SCN11A: variants seen among roughly 807,000 people sequenced by gnomAD.
SCN11A encodes sodium voltage-gated channel alpha subunit 11.
In SCN11A, 122 loss-of-function variants were observed where a neutral mutation model predicts 162.2. That is an observed-to-expected ratio of 0.75 (90% CI 0.65 to 0.87). The LOEUF (loss-of-function observed/expected upper bound fraction) is 0.87. SCN11A is among the 40% of genes least tolerant of loss of function. The pLI is 0.00. For synonymous variants in SCN11A, 758 were observed against 751.5 expected (o/e 1.01, Z -0.14); for missense variants, 2,015 against 2,181.6 (o/e 0.92, Z 1.52).
intron 11 of SCN11A, among the ~76,000 whole-genome samples, chr3:38,915,937 A>T (rs1421136889): frequency 2.0e-5 from 3 of 152,108 alleles, no homozygotes; most frequent in Non-Finnish European, 4.4e-5. Flanking sequence ...TGGGAGTCTA[A>T]GTCTCTTTGT....
At chr3:39,019,164 A>G (rs941829662) in intron 2 of SCN11A, among the ~76,000 whole-genome samples, 3 of 152,150 alleles carry the variant, frequency 2.0e-5, no homozygotes, top group Admixed American at 6.5e-5. Flanking sequence ...AACTTCCCCA[A>G]TTATTCCTGC....
Position 39,051,866 on chromosome 3 carries a change from C to T in SCN11A, c.-409G>A. On this transcript the variant is annotated 5_prime_UTR_variant, in exon 1 of 30. An upstream open reading frame in the 5' UTR loses its in-frame stop. Transcript: ENST00000302328. ...TTGTTTTTAGGTGCATCTACCTCAT[C>T]ACATGGCTACCGGCCACACAGCAAC... The T allele has an allele frequency of 3.7e-6, 3 of 811,496 alleles. No homozygotes were observed. The allele number at this position is 811,496 out of a possible 1,614,324, so 50.3% of individuals were successfully genotyped here.
chr3:38,909,987 T>C (rs1003326012), intron 12 of SCN11A, 79 bp downstream of exon 12: 1 of 1,350,174 alleles, frequency 7.4e-7, no homozygotes, highest in African/African-American at 1.5e-5. Context: ...AAATGGTAAA[T>C]AAATAGGTAA....
chr3:38,972,134 T>A (rs1033930594), intron 2 of SCN11A, among the ~76,000 whole-genome samples: 2 of 152,208 alleles, frequency 1.3e-5, no homozygotes, highest in African/African-American at 4.8e-5. Context: ...CACTCCTTGT[T>A]GTTATGTACA....
intron 28 of SCN11A, among the ~76,000 whole-genome samples, chr3:38,861,108 G>A (rs533803426): frequency 3.8e-4 from 58 of 152,078 alleles, no homozygotes; most frequent in Non-Finnish European, 6.6e-4. Flanking sequence ...CAACCAAGCT[G>A]AGAAACAAAT....
intron 4 of SCN11A, among the ~76,000 whole-genome samples, chr3:38,951,155 G>C (rs1291999867): frequency 1.3e-5 from 2 of 152,238 alleles, no homozygotes; most frequent in African/African-American, 4.8e-5. Context: ...TGTGGAGGGA[G>C]AGGCGCGAGC....
intron 23 of SCN11A, among the ~76,000 whole-genome samples, chr3:38,875,058 T>A (rs1033949518): frequency 6.6e-6 from 1 of 152,164 alleles, no homozygotes; most frequent in Non-Finnish European, 1.5e-5. Context: ...CTTTGCAACA[T>A]CTACCATATT....
intron 8 of SCN11A, among the ~76,000 whole-genome samples, chr3:38,925,960 A>G (rs747053394): frequency 3.9e-5 from 6 of 152,250 alleles, no homozygotes; most frequent in Non-Finnish European, 8.8e-5. Context: ...AACGAAGAGC[A>G]CACAATCTTT....
intron 28 of SCN11A, among the ~76,000 whole-genome samples, chr3:38,851,935 CCGGTTGATAAAACCAT>C (rs1290210842): frequency 6.6e-6 from 1 of 152,064 alleles, no homozygotes; most frequent in Non-Finnish European, 1.5e-5. Context: ...AATATAGTTT[CCGGTTGATAAAACCAT>C]CTAACCAGCC....
chr3:38,871,937 G>C (rs2065133994), intron 24 of SCN11A, among the ~76,000 whole-genome samples: 1 of 152,158 alleles, frequency 6.6e-6, no homozygotes, highest in Admixed American at 6.6e-5. Context: ...GGTGATGACA[G>C]TGTTAGAGAC....
intron 8 of SCN11A, among the ~76,000 whole-genome samples, chr3:38,926,463 G>A (rs1450708178): frequency 7.3e-5 from 11 of 151,324 alleles, no homozygotes; most frequent in Admixed American, 7.2e-4. Flanking sequence ...TGGACTGTGA[G>A]CTTCATAAGA....
chr3:38,944,493 A>T (rs1288436903), intron 7 of SCN11A, among the ~76,000 whole-genome samples: 1 of 151,446 alleles, frequency 6.6e-6, no homozygotes, highest in Non-Finnish European at 1.5e-5. Context: ...CGCCTGGCTA[A>T]TTTTTTGTAT....
intron 7 of SCN11A, among the ~76,000 whole-genome samples, chr3:38,939,476 A>G (rs1158450774): frequency 6.6e-6 from 1 of 152,236 alleles, no homozygotes; most frequent in African/African-American, 2.4e-5. Flanking sequence ...AAAATGAAAA[A>G]GCTATTAATA....
At chr3:38,910,307 A>T (rs1322564191) in intron 11 of SCN11A, 100 bp from the exon 12 acceptor site, 3 of 1,198,364 alleles carry the variant, frequency 2.5e-6, no homozygotes, top group East Asian at 4.7e-5. Context: ...GTGGGATCAC[A>T]CCAGGAGCCC....
chr3:38,878,235 CT>C (rs149752499), intron 23 of SCN11A, among the ~76,000 whole-genome samples: 21,373 of 151,784 alleles, frequency 0.14, 1,946 homozygotes, highest in East Asian at 0.25. Context: ...GACAGTGTGG[CT>C]TTGGACAACT....
At chr3:38,880,958 C>T (rs1263106589) in intron 22 of SCN11A, among the ~76,000 whole-genome samples, 2 of 152,098 alleles carry the variant, frequency 1.3e-5, no homozygotes, top group East Asian at 1.9e-4. Flanking sequence ...ATGAAATTTA[C>T]GTCAACATTG....
chr3:39,042,632 T>C (rs1026771410), intron 1 of SCN11A, among the ~76,000 whole-genome samples: 17 of 151,908 alleles, frequency 1.1e-4, no homozygotes, highest in Non-Finnish European at 1.8e-4. Context: ...AACACTTCTA[T>C]AGGGAAAAAA....
At position 39,004,537 on chromosome 3, in the gene SCN11A, G is replaced by T. The variant is rs150860094; in HGVS notation, c.-280+27843C>A. Reference sequence around the variant, plus strand: ...TTTATTCCATATGAATTTTAAAATAGTTTTTTTCTAGTTCTGTGAAGAATG... The same window carrying T: ...TTTATTCCATATGAATTTTAAAATATTTTTTTTCTAGTTCTGTGAAGAATG... On this transcript the variant is annotated intron_variant, in intron 2 of 29. Transcript: ENST00000302328. Among the ~76,000 whole-genome samples, 576 of 152,180 alleles carry T rather than the reference G, an allele frequency of 3.8e-3. 5 individuals carry two copies. Among genetic ancestry groups the T allele is most frequent in the African/African-American group, 0.013 (549 of 41,518 alleles).
chr3:39,014,827 T>C (rs2031244418), intron 2 of SCN11A, among the ~76,000 whole-genome samples: 1 of 152,220 alleles, frequency 6.6e-6, no homozygotes, highest in Non-Finnish European at 1.5e-5. Context: ...CACTTAATGA[T>C]GGAAGGGCTT....
Sources: gnomAD v4.1 joint callset for allele counts (sites outside exome capture counted in the v4.1 genomes callset) on GRCh38, gnomAD v4.1.1 for gene constraint, MANE v1.5 for transcripts, NCBI Gene and HGNC (gene_info 2026-07-23, HGNC 2026-07-21) for gene names.